Variants in ARRB2 observed in about 807,000 individuals in gnomAD.
The protein encoded by ARRB2 is arrestin beta 2.
Under a neutral mutation model 53.4 loss-of-function variants are expected in ARRB2, and 21 were observed. That is an observed-to-expected ratio of 0.39 (90% CI 0.28 to 0.57). The LOEUF is 0.57. Ranked by LOEUF, ARRB2 falls within the 20% of genes least tolerant of loss-of-function variation. ARRB2 has a pLI of 0.55. For missense variants in ARRB2, 369 were observed against 527.5 expected (o/e 0.70, Z 2.94); for synonymous variants, 180 against 212.9 (o/e 0.85, Z 1.34).
rs569895014 is a variant in ARRB2, at chr17:4,713,022, T to C, written c.24-1991T>C. Among the ~76,000 whole-genome samples, 146 of 152,368 alleles carry C rather than the reference T, an allele frequency of 9.6e-4. 2 individuals carry two copies. The highest frequency in any genetic ancestry group is 3.4e-3 in the African/African-American group (143 of 41,598). ...TTTATTTTTTGAGACAAAGTCTTGC[T>C]CTGTCACCCAGGCTGGAGTGCAGTG... On this transcript the variant is annotated intron_variant, in intron 1 of 14. Transcript: ENST00000269260.
intron 8 of ARRB2, 98 bp downstream of exon 8, chr17:4,718,121 C>T (rs1472545700): frequency 2.5e-6 from 4 of 1,575,384 alleles, no homozygotes; most frequent in Non-Finnish European, 3.4e-6. Flanking sequence ...AAGGAGGTTG[C>T]CTTGGCTGGG....
chr17:4,711,362 C>T (rs1325998249), intron 1 of ARRB2, among the ~76,000 whole-genome samples: 1 of 152,084 alleles, frequency 6.6e-6, no homozygotes, highest in Non-Finnish European at 1.5e-5. Context: ...GTCCACTCCC[C>T]GGATGTTTTC....
In ARRB2 at chr17:4,719,236, C is replaced by A. The variant is rs768850029; in HGVS notation, c.780-47C>A. 1.9e-6 allele frequency: 3 copies of A among 1,585,152 alleles called. No individual in the cohort carries two copies. In the East Asian group the frequency reaches 6.7e-5, roughly 36 times the overall value. On this transcript the variant is annotated intron_variant, in intron 10 of 14. Coordinates refer to ENST00000269260, the MANE Select transcript of ARRB2 (RefSeq NM_004313.4). The stretch of plus-strand genomic sequence containing the variant: ...TTGGGGGTCATAGGCCGCCCCTTGC[C>A]CAGCCCAGCGCCCCTAAGCATCTTG...
intron 10 of ARRB2, 121 bp from the exon 11 acceptor site, chr17:4,719,162 T>C: frequency 2.4e-6 from 3 of 1,260,888 alleles, no homozygotes; most frequent in Non-Finnish European, 3.3e-6. Flanking sequence ...CCTACTCCCT[T>C]GTGACCTGTG....
rs1367974611 is a variant in ARRB2 at position 4,721,421 on chromosome 17, C to T, written c.*382C>T. 8 of 413,196 alleles carry T rather than the reference C, an allele frequency of 1.9e-5. No individual in the cohort carries two copies. Among genetic ancestry groups the T allele is most frequent in the Non-Finnish European group, 2.6e-5 (6 of 234,858 alleles). The allele number at this position is 413,196 out of a possible 1,614,324, so 25.6% of individuals were successfully genotyped here. On this transcript the variant is annotated 3_prime_UTR_variant, in exon 15 of 15. Coordinates refer to ENST00000269260, the MANE Select transcript of ARRB2 (RefSeq NM_004313.4). This position sits in a 1 kb window ranked among gnomAD's most constrained non-coding sequence, Gnocchi z 4.2. ...ATCACTCTCTCTGCCCCCATTCCTT[C>T]AAGAGGAGACCCTTTGGGGACAAGG...
intron 11 of ARRB2, among the ~76,000 whole-genome samples, chr17:4,719,677 G>A (rs1043166497): frequency 6.6e-6 from 1 of 152,154 alleles, no homozygotes; most frequent in Non-Finnish European, 1.5e-5. Flanking sequence ...TCGGAGTAAG[G>A]ACCCAGCGGA....
rs764312248 is a variant in ARRB2 at position 4,718,054 on chromosome 17, C to T, written c.621+31C>T. ...GCGTGAGAGGGTGACACGGATGCCA[C>T]GGTGCAGTTTAGACCCTGGGGGAGG... On this transcript the variant is annotated intron_variant, in intron 8 of 14. Coordinates refer to ENST00000269260, the MANE Select transcript of ARRB2 (RefSeq NM_004313.4). The T allele has an allele frequency of 6.8e-5, 110 of 1,611,144 alleles. 1 individual carries two copies. Among genetic ancestry groups the T allele is most frequent in the Non-Finnish European group, 7.7e-5 (91 of 1,179,864 alleles).
Position 4,717,355 on chromosome 17 carries a change from G to C in ARRB2, c.417+79G>C. The C allele has an allele frequency of 6.5e-7, 1 of 1,549,792 alleles. No individual in the cohort carries two copies. Among genetic ancestry groups the C allele is most frequent in the South Asian group, 1.1e-5 (1 of 89,766 alleles). On this transcript the variant is annotated intron_variant, in intron 6 of 14. Coordinates refer to ENST00000269260, the MANE Select transcript of ARRB2 (RefSeq NM_004313.4). The surrounding 1 kb of genome is among the most constrained non-coding windows in gnomAD (Gnocchi z 6.0). Reference sequence around the variant, plus strand: ...GCCTGGAGGCACAGCTGAGCCAGAGGGTGAACTGTCGAGATGCCAGGGTGG... The same window carrying C: ...GCCTGGAGGCACAGCTGAGCCAGAGCGTGAACTGTCGAGATGCCAGGGTGG...
At chr17:4,711,787 G>A (rs983655288) in intron 1 of ARRB2, among the ~76,000 whole-genome samples, 1 of 152,192 alleles carries the variant, frequency 6.6e-6, no homozygotes, top group Non-Finnish European at 1.5e-5. Context: ...GGTTCAGGGA[G>A]TGGGACGGAT....
chr17:4,714,200 C>G (rs140201219), intron 1 of ARRB2, among the ~76,000 whole-genome samples: 1 of 152,042 alleles, frequency 6.6e-6, no homozygotes, highest in Non-Finnish European at 1.5e-5. Context: ...TGACAGGAAC[C>G]CAAAACAAGG....
rs1236906761 is a variant in ARRB2 at position 4,720,205 on chromosome 17, C to T, written c.918-11C>T. ...TAGGCCCTGGTCTGACTCCAACACC[C>T]TCAATTGCAGCGTGAAGGAGGGTGC... On this transcript the variant is annotated splice_polypyrimidine_tract_variant and intron_variant, in intron 11 of 14. Coordinates refer to ENST00000269260, the MANE Select transcript of ARRB2 (RefSeq NM_004313.4). 6 of 1,608,302 alleles carry T rather than the reference C, an allele frequency of 3.7e-6. No individual in the cohort carries two copies. Among genetic ancestry groups the T allele is most frequent in the Non-Finnish European group, 5.1e-6 (6 of 1,177,340 alleles).
rs998817214 is a variant in ARRB2 at position 4,719,377 on chromosome 17, G to A, written c.874G>A (p.Gly292Arg). 6.2e-7 allele frequency: 1 copy of A among 1,614,168 alleles called. No homozygotes were observed. The highest frequency in any genetic ancestry group is 1.3e-5 in the African/African-American group (1 of 75,054). The change falls in exon 11 of 15, where the codon GGG becomes AGG. Residue 292 changes from glycine (G) to arginine (R), a missense_variant. Gly to Arg is a moderately radical substitution (Grantham distance 125). Transcript: ENST00000269260. Reference sequence around the variant, plus strand: ...GGAGAAGCGGGGTCTCGCCCTGGATGGGAAACTCAAGCACGAGGACACCAA... The same window carrying A: ...GGAGAAGCGGGGTCTCGCCCTGGATAGGAAACTCAAGCACGAGGACACCAA... ...NREKRGLALD[G>R]KLKHEDTNLA...
At chr17:4,719,119 G>T (rs542361518) in intron 10 of ARRB2, among the ~76,000 whole-genome samples, 164 bp from the exon 11 acceptor site, 1 of 152,192 alleles carries the variant, frequency 6.6e-6, no homozygotes, top group Non-Finnish European at 1.5e-5. Flanking sequence ...CAGGCTCCAG[G>T]CTGTTAATTT....
chr17:4,718,341 C>G lies in ARRB2; in HGVS notation c.702C>G (p.Val234=), dbSNP rs1343578865. 6.2e-7 allele frequency: 1 copy of G among 1,610,174 alleles called. No individual in the cohort carries two copies. The highest frequency in any genetic ancestry group is 1.3e-5 in the African/African-American group (1 of 74,846). ...NSTKTVKKIK[V]SVRQYADICL... ...CCAAGACCGTCAAGAAGATCAAAGTCTCTGGTAGGAGGTGGGGTTTGGAAG... is the reference window on the plus strand; with the variant it reads ...CCAAGACCGTCAAGAAGATCAAAGTGTCTGGTAGGAGGTGGGGTTTGGAAG... The change falls in exon 9 of 15, where the codon GTC becomes GTG. Residue 234 remains valine (V), a synonymous_variant. Transcript: ENST00000269260.
At chr17:4,718,162 G>T in intron 8 of ARRB2, 99 bp from the exon 9 acceptor site, 1 of 1,545,862 alleles carries the variant, frequency 6.5e-7, no homozygotes, top group Non-Finnish European at 8.8e-7. Context: ...TTGGGTTTGA[G>T]GGGAGGGGGC....
chr17:4,717,494 C>A lies in ARRB2; in HGVS notation c.418-191C>A. On this transcript the variant is annotated intron_variant, in intron 6 of 14. Transcript: ENST00000269260. The surrounding 1 kb of genome is among the most constrained non-coding windows in gnomAD (Gnocchi z 6.0). ...CCGCATGGATCTGGGGATGGGGGCT[C>A]CCCTTGCACTACCATGACCAAGCCT... 2 of 886,830 alleles carry A rather than the reference C, an allele frequency of 2.3e-6. No individual in the cohort carries two copies. The highest frequency in any genetic ancestry group is 1.7e-5 in the African/African-American group (1 of 60,012). The allele number at this position is 886,830 out of a possible 1,614,324, so 54.9% of individuals were successfully genotyped here.
rs1203213614 is a variant in ARRB2, at chr17:4,716,690, C to T, written c.357+82C>T. ...GGTGGGGGTAAGGCACTGCTGTGGGCAGATCTGGAAGAAACAGTGAGGCAG... is the reference window on the plus strand; with the variant it reads ...GGTGGGGGTAAGGCACTGCTGTGGGTAGATCTGGAAGAAACAGTGAGGCAG... On this transcript the variant is annotated intron_variant, in intron 5 of 14. Coordinates refer to ENST00000269260, the MANE Select transcript of ARRB2 (RefSeq NM_004313.4). The T allele has an allele frequency of 1.4e-5, 21 of 1,503,186 alleles. No homozygotes were observed. In the East Asian group the frequency reaches 5.2e-4, roughly 37 times the overall value. 93.1% of individuals were successfully genotyped at this position (1,503,186 alleles called of 1,614,324 possible).
intron 11 of ARRB2, 47 bp downstream of exon 11, chr17:4,719,467 G>A (rs551507377): frequency 4.2e-5 from 68 of 1,602,516 alleles, no homozygotes; most frequent in African/African-American, 3.5e-4. Flanking sequence ...GGGGCCAGAC[G>A]TCGGTTCAGT....
intron 11 of ARRB2, among the ~76,000 whole-genome samples, chr17:4,719,884 G>A (rs1915514796): frequency 6.6e-6 from 1 of 152,164 alleles, no homozygotes; most frequent in Admixed American, 6.5e-5. Flanking sequence ...GGTTCTCACT[G>A]CACAGCCACA....
Sources: gnomAD v4.1 joint callset for allele counts (sites outside exome capture counted in the v4.1 genomes callset) on GRCh38, gnomAD v4.1.1 for gene constraint, Gnocchi (gnomAD v3.1) non-coding constraint, MANE v1.5 for transcripts, NCBI Gene and HGNC (gene_info 2026-07-23, HGNC 2026-07-21) for gene names.